The following CADPS variants were observed in gnomAD, a reference collection of about 807,000 sequenced individuals.
CADPS encodes calcium dependent secretion activator.
CADPS carries 57 observed loss-of-function variants against 167.3 expected under a neutral mutation model. That is an observed-to-expected ratio of 0.34 (90% CI 0.28 to 0.42). The LOEUF (loss-of-function observed/expected upper bound fraction) is 0.42. Ranked by LOEUF, CADPS falls within the 20% of genes least tolerant of loss-of-function variation. The probability of loss-of-function intolerance (pLI) is 1.00; values close to 1 mark genes in which losing one functional copy is unlikely to be tolerated. For missense variants in CADPS, 1,414 were observed against 1,738.1 expected (o/e 0.81, Z 3.32); for synonymous variants, 676 against 635.3 (o/e 1.06, Z -0.96).
intron 1 of CADPS, among the ~76,000 whole-genome samples, chr3:62,845,783 G>A (rs1426564104): frequency 9.2e-5 from 14 of 152,100 alleles, no homozygotes. Flanking sequence ...ATTTCCGATA[G>A]CCAAGATTTT....
chr3:62,846,498 G>A (rs1577235993), intron 1 of CADPS, among the ~76,000 whole-genome samples: 1 of 152,152 alleles, frequency 6.6e-6, no homozygotes. Flanking sequence ...CTTACAAGAA[G>A]AAACTTCTCC....
chr3:62,737,382 T>C (rs934268658), intron 3 of CADPS, among the ~76,000 whole-genome samples: 2 of 151,772 alleles, frequency 1.3e-5, no homozygotes, highest in African/African-American at 4.8e-5. Flanking sequence ...GGCAGGAGGA[T>C]TGCTGAGCCC....
rs1478136620 is a variant in CADPS at position 62,438,820 on chromosome 3, AAACC to A, written c.3670-613_3670-610del. Reference sequence around the variant, plus strand: ...AATTAGTTCACTCAGAGGAGACACTAAACCATTTGTCTTTGCTTCCAGTGCAGCC... The same window carrying A: ...AATTAGTTCACTCAGAGGAGACACTAATTTGTCTTTGCTTCCAGTGCAGCC... On this transcript the variant is annotated intron_variant, in intron 27 of 29. Transcript: ENST00000383710. This position sits in a 1 kb window ranked among gnomAD's most constrained non-coding sequence, Gnocchi z 4.7. 6 of 151,926 alleles carry A rather than the reference AAACC, an allele frequency of 3.9e-5. No individual in the cohort carries two copies. Among genetic ancestry groups the A allele is most frequent in the African/African-American group, 1.5e-4 (6 of 41,332 alleles). 9.4% of individuals were successfully genotyped at this position (151,926 alleles called of 1,614,324 possible).
chr3:62,513,691 A>G (rs569452244), intron 16 of CADPS: 2 of 1,588,286 alleles, frequency 1.3e-6, no homozygotes, highest in African/African-American at 1.3e-5. Context: ...ATGCTCATAC[A>G]TTTCTCTCTT....
In CADPS at chr3:62,466,351, G is replaced by C; in HGVS notation, c.3540C>G (p.Leu1180=). 6.2e-7 allele frequency: 1 copy of C among 1,610,276 alleles called. No individual in the cohort carries two copies. The highest frequency in any genetic ancestry group is 1.1e-5 in the South Asian group (1 of 90,972). Reference sequence around the variant, plus strand: ...AGCTGGAGGTTACCTTTGCAACCAAGAGTGTTATCATTTCTTTAACAGTTT... The same window carrying C: ...AGCTGGAGGTTACCTTTGCAACCAACAGTGTTATCATTTCTTTAACAGTTT... The part of the protein sequence containing the change: ...IEETVKEMIT[L]LVAKFVTILE... The change falls in exon 25 of 30, where the codon CTC becomes CTG. Residue 1180 remains leucine (L), a synonymous_variant. Coordinates refer to ENST00000383710, the MANE Select transcript of CADPS (RefSeq NM_003716.4).
chr3:62,558,259 G>T (rs2078528643), intron 9 of CADPS, among the ~76,000 whole-genome samples: 1 of 152,190 alleles, frequency 6.6e-6, no homozygotes, highest in Non-Finnish European at 1.5e-5. Flanking sequence ...TGCCCTAATG[G>T]CAGCCCTCAC....
At chr3:62,811,655 C>T (rs1252487739) in intron 1 of CADPS, among the ~76,000 whole-genome samples, 1 of 152,172 alleles carries the variant, frequency 6.6e-6, no homozygotes. Flanking sequence ...ATGTTTTGCT[C>T]AGGCAGCTGA....
In CADPS at chr3:62,790,927, A is replaced by G. The variant is rs144237355; in HGVS notation, c.442-24943T>C. Among the ~76,000 whole-genome samples the G allele has an allele frequency of 5.3e-5, 8 of 152,078 alleles. 1 individual carries two copies. Among genetic ancestry groups the G allele is most frequent in the African/African-American group, 1.9e-4 (8 of 41,514 alleles). On this transcript the variant is annotated intron_variant, in intron 1 of 29. Transcript: ENST00000383710. ...AAGTTCTGATGCTTTTGTTACCGTC[A>G]TGATAATTCTGTGTTATTTTAAAAA... is the stretch of plus-strand genomic sequence containing the variant.
chr3:62,415,457 C>G (rs929796703), intron 28 of CADPS, among the ~76,000 whole-genome samples: 1 of 151,968 alleles, frequency 6.6e-6, no homozygotes, highest in Non-Finnish European at 1.5e-5. Context: ...CAAACAGACA[C>G]GCAGAAGCCA....
intron 4 of CADPS, among the ~76,000 whole-genome samples, chr3:62,657,802 C>T (rs1010849321): frequency 1.3e-5 from 2 of 152,104 alleles, no homozygotes; most frequent in African/African-American, 4.8e-5. Flanking sequence ...GCTTTTGCCT[C>T]CCTTCCCTCC....
intron 1 of CADPS, among the ~76,000 whole-genome samples, chr3:62,831,091 G>C (rs938026933): frequency 6.6e-6 from 1 of 152,142 alleles, no homozygotes; most frequent in African/African-American, 2.4e-5. Context: ...AAGGGGAGGA[G>C]TGCATGGACC....
intron 3 of CADPS, among the ~76,000 whole-genome samples, chr3:62,672,226 A>C (rs2075659018): frequency 6.6e-6 from 1 of 152,158 alleles, no homozygotes; most frequent in African/African-American, 2.4e-5. Context: ...ACCCTGGGAC[A>C]GTTTTGATTC....
At chr3:62,769,878 C>T (rs1390618624) in intron 1 of CADPS, among the ~76,000 whole-genome samples, 1 of 152,026 alleles carries the variant, frequency 6.6e-6, no homozygotes. Context: ...CTTGGTTCCT[C>T]ATTAAAAAAT....
At chr3:62,634,004 G>C (rs1457700511) in intron 6 of CADPS, among the ~76,000 whole-genome samples, 5 of 152,176 alleles carry the variant, frequency 3.3e-5, no homozygotes, top group Admixed American at 2.6e-4. Flanking sequence ...ACTTTGACTT[G>C]AGGTTAGTGG....
intron 1 of CADPS, among the ~76,000 whole-genome samples, chr3:62,778,160 G>T (rs1576284849): frequency 6.6e-6 from 1 of 152,126 alleles, no homozygotes; most frequent in South Asian, 2.1e-4. Flanking sequence ...GTTGAGTGAC[G>T]CCACTTGTCT....
intron 6 of CADPS, among the ~76,000 whole-genome samples, chr3:62,643,763 G>C (rs2067929324): frequency 6.6e-6 from 1 of 152,082 alleles, no homozygotes; most frequent in East Asian, 1.9e-4. Context: ...CGCCATATTG[G>C]GCCCAGCATC....
At chr3:62,593,672 C>T (rs1422588876) in intron 6 of CADPS, among the ~76,000 whole-genome samples, 1 of 152,212 alleles carries the variant, frequency 6.6e-6, no homozygotes, top group African/African-American at 2.4e-5. Context: ...AGACCTGTTA[C>T]ATGTATGTTT....
At chr3:62,573,293 T>C (rs2081627616) in intron 8 of CADPS, among the ~76,000 whole-genome samples, 1 of 152,228 alleles carries the variant, frequency 6.6e-6, no homozygotes, top group Admixed American at 6.5e-5. Context: ...TATTTTTTAT[T>C]ACGGTATTTT....
chr3:62,830,943 T>G (rs1346095514), intron 1 of CADPS, among the ~76,000 whole-genome samples: 1 of 152,204 alleles, frequency 6.6e-6, no homozygotes, highest in Admixed American at 6.5e-5. Flanking sequence ...AATTCCAATC[T>G]GCTGGGGAGG....
Sources: gnomAD v4.1 joint callset for allele counts (sites outside exome capture counted in the v4.1 genomes callset) on GRCh38, gnomAD v4.1.1 for gene constraint, Gnocchi (gnomAD v3.1) non-coding constraint, MANE v1.5 for transcripts, NCBI Gene and HGNC (gene_info 2026-07-23, HGNC 2026-07-21) for gene names.